Variants in PMEPA1 observed in about 807,000 individuals in gnomAD.
The protein encoded by PMEPA1 is prostate transmembrane protein, androgen induced 1.
A neutral mutation model predicts 23.0 loss-of-function variants in PMEPA1; 11 were observed. The observed-to-expected ratio is 0.48, with a 90% CI of 0.30 to 0.79. The LOEUF (loss-of-function observed/expected upper bound fraction) is 0.79. Among genes scored for constraint, PMEPA1 ranks in the 30% least tolerant of loss-of-function variants. The pLI, the probability that PMEPA1 is intolerant of heterozygous loss-of-function variation, is 0.06. For missense variants in PMEPA1, 377 were observed against 390.9 expected (o/e 0.96, Z 0.30); for synonymous variants, 204 against 166.4 (o/e 1.23, Z -1.74).
In PMEPA1 at chr20:57,682,319, C is replaced by T. The variant is rs73915296; in HGVS notation, c.110-22622G>A. On this transcript the variant is annotated intron_variant, in intron 1 of 3. Transcript: ENST00000341744. This position sits in a 1 kb window ranked among gnomAD's most constrained non-coding sequence, Gnocchi z 4.4. ...CAGAGCGGGGGACCAGCTCCACCAG[C>T]GGTTCCCTGTGTGACCTTGGGCAAG... Among the ~76,000 whole-genome samples, 4,392 of 152,260 alleles carry T rather than the reference C, an allele frequency of 0.029. 223 individuals carry two copies. Among genetic ancestry groups the T allele is most frequent in the African/African-American group, 0.1 (4,180 of 41,530 alleles).
chr20:57,709,757 G>A lies in PMEPA1; in HGVS notation c.-175C>T, dbSNP rs990476481. On this transcript the variant is annotated 5_prime_UTR_variant, in exon 1 of 4. Transcript: ENST00000341744. ...TTCCCGGGGCGCCGCGGGGCTCAGT[G>A]CGCGGGACCGCGCTCCGCTGCGCCC... is the stretch of plus-strand genomic sequence containing the variant. The A allele has an allele frequency of 1.0e-6, 1 of 980,290 alleles. No individual in the cohort carries two copies. The highest frequency in any genetic ancestry group is 1.2e-6 in the Non-Finnish European group (1 of 827,690). The allele number at this position is 980,290 out of a possible 1,614,324, so 60.7% of individuals were successfully genotyped here. A position where few individuals can be genotyped will look rare whatever the true frequency, so the allele number is the denominator to read the frequency against.
At chr20:57,668,361 T>A (rs1318900408) in intron 1 of PMEPA1, among the ~76,000 whole-genome samples, 1 of 152,234 alleles carries the variant, frequency 6.6e-6, no homozygotes, top group Non-Finnish European at 1.5e-5. Context: ...GTAAATCTCC[T>A]GGTACCCTCA....
At chr20:57,674,985 G>T (rs187008948) in intron 1 of PMEPA1, among the ~76,000 whole-genome samples, 3 of 152,222 alleles carry the variant, frequency 2.0e-5, no homozygotes, top group Non-Finnish European at 2.9e-5. Flanking sequence ...CACAGTGAAC[G>T]TGCAGTAGGT....
At chr20:57,679,219 C>G (rs532397297) in intron 1 of PMEPA1, among the ~76,000 whole-genome samples, 80 of 152,272 alleles carry the variant, frequency 5.3e-4, no homozygotes, top group African/African-American at 1.9e-3. Flanking sequence ...AAAAAACACT[C>G]CTGGCCAAAC....
rs527760460 is a variant in PMEPA1 at position 57,669,883 on chromosome 20, A to T, written c.110-10186T>A. 7.9e-5 allele frequency among the ~76,000 whole-genome samples: 12 copies of T among 152,272 alleles called. 1 individual carries two copies. The highest frequency in any genetic ancestry group is 1.6e-4 in the Non-Finnish European group (11 of 68,030). ...ATATTTATAGTAAAAGAGGGAAAAAAAAAAGATTTGAGAAGCATCTGTCAG... is the reference window on the plus strand; with the variant it reads ...ATATTTATAGTAAAAGAGGGAAAAATAAAAGATTTGAGAAGCATCTGTCAG... On this transcript the variant is annotated intron_variant, in intron 1 of 3. Coordinates refer to ENST00000341744, the MANE Select transcript of PMEPA1 (RefSeq NM_020182.5).
At chr20:57,670,388 G>A (rs1212879173) in intron 1 of PMEPA1, among the ~76,000 whole-genome samples, 3 of 151,842 alleles carry the variant, frequency 2.0e-5, no homozygotes, top group African/African-American at 7.3e-5. Context: ...CCGGCCTCAA[G>A]CCCCAGGATC....
intron 1 of PMEPA1, among the ~76,000 whole-genome samples, chr20:57,692,120 T>C (rs1384658600): frequency 6.6e-6 from 1 of 152,216 alleles, no homozygotes; most frequent in Non-Finnish European, 1.5e-5. Flanking sequence ...TTCTCGAGCA[T>C]TTACAAAGCA....
chr20:57,652,615 G>T lies in PMEPA1; in HGVS notation c.319-17C>A. 6.9e-7 allele frequency: 1 copy of T among 1,452,340 alleles called. No individual in the cohort carries two copies. The highest frequency in any genetic ancestry group is 2.5e-5 in the East Asian group (1 of 40,576). The allele number at this position is 1,452,340 out of a possible 1,614,324, so 90.0% of individuals were successfully genotyped here. On this transcript the variant is annotated splice_polypyrimidine_tract_variant and intron_variant, in intron 3 of 3. Coordinates refer to ENST00000341744, the MANE Select transcript of PMEPA1 (RefSeq NM_020182.5). This position sits in a 1 kb window ranked among gnomAD's most constrained non-coding sequence, Gnocchi z 6.1. The stretch of plus-strand genomic sequence containing the variant: ...GACCTGCGGCTGGAGGAAGCAGAGC[G>T]GGAGTGAGGGAGGGCGGCTGTCTCA...
chr20:57,691,137 G>T (rs1186326560), intron 1 of PMEPA1, among the ~76,000 whole-genome samples: 1 of 152,196 alleles, frequency 6.6e-6, no homozygotes, highest in Non-Finnish European at 1.5e-5. Flanking sequence ...TTTCACGGTT[G>T]TGTGTGTCCA....
chr20:57,684,025 G>A (rs1465211104), intron 1 of PMEPA1, among the ~76,000 whole-genome samples: 1 of 152,036 alleles, frequency 6.6e-6, no homozygotes, highest in African/African-American at 2.4e-5. Context: ...CCCACCCCCG[G>A]CTCCGCAACA....
rs1600682659 is a variant in PMEPA1 at position 57,709,803 on chromosome 20, C to G, written c.-221G>C. 1.0e-6 allele frequency: 1 copy of G among 983,524 alleles called. No individual in the cohort carries two copies. The highest frequency in any genetic ancestry group is 1.2e-6 in the Non-Finnish European group (1 of 829,252). The allele number at this position is 983,524 out of a possible 1,614,324, so 60.9% of individuals were successfully genotyped here. A position where few individuals can be genotyped will look rare whatever the true frequency, so the allele number is the denominator to read the frequency against. On this transcript the variant is annotated 5_prime_UTR_variant, in exon 1 of 4. Coordinates refer to ENST00000341744, the MANE Select transcript of PMEPA1 (RefSeq NM_020182.5). Reference sequence around the variant, plus strand: ...CGCCCCCCCGGCCTCCCCTCGGCAGCCCCGGGGGCGTCGGCAGTGCCCGCG... The same window carrying G: ...CGCCCCCCCGGCCTCCCCTCGGCAGGCCCGGGGGCGTCGGCAGTGCCCGCG...
chr20:57,687,361 G>A (rs1236454197), intron 1 of PMEPA1, among the ~76,000 whole-genome samples: 1 of 152,174 alleles, frequency 6.6e-6, no homozygotes, highest in Admixed American at 6.5e-5. Flanking sequence ...TTAACAGAGG[G>A]ACCCCAAGGC....
chr20:57,662,302 C>A (rs886666742), intron 1 of PMEPA1, among the ~76,000 whole-genome samples: 2 of 152,228 alleles, frequency 1.3e-5, no homozygotes, highest in Non-Finnish European at 2.9e-5. Flanking sequence ...GGGCTGAGCA[C>A]ACCTAAGAAC....
rs1260357014 is a variant in PMEPA1, at chr20:57,656,793, C to G, written c.264+2750G>C. 1.3e-5 allele frequency among the ~76,000 whole-genome samples: 2 copies of G among 152,182 alleles called. No homozygotes were observed. The highest frequency in any genetic ancestry group is 3.9e-4 in the East Asian group (2 of 5,166). The stretch of plus-strand genomic sequence containing the variant: ...GCAAGAGGGGACCCCCAGGGTCACC[C>G]TGAAAAGGGGCCATGGTCGGATAGC... On this transcript the variant is annotated intron_variant, in intron 2 of 3. Coordinates refer to ENST00000341744, the MANE Select transcript of PMEPA1 (RefSeq NM_020182.5). The surrounding 1 kb of genome is among the most constrained non-coding windows in gnomAD (Gnocchi z 4.7).
At chr20:57,689,129 T>A (rs2071841497) in intron 1 of PMEPA1, among the ~76,000 whole-genome samples, 3 of 152,264 alleles carry the variant, frequency 2.0e-5, no homozygotes. Flanking sequence ...GTTTGGGAGC[T>A]GCCTCTATCA....
At chr20:57,674,997 C>G (rs1199742230) in intron 1 of PMEPA1, among the ~76,000 whole-genome samples, 1 of 152,190 alleles carries the variant, frequency 6.6e-6, no homozygotes, top group Non-Finnish European at 1.5e-5. Flanking sequence ...GCAGTAGGTA[C>G]AGTGAGCTCC....
Position 57,655,926 on chromosome 20 carries a change from T to G in PMEPA1, c.265-2840A>C, listed in dbSNP as rs966159644. ...AAGCGCAGCTATGGGCAAAACGCAC[T>G]CGAAAACACTTCATTCACACTCAGA... On this transcript the variant is annotated intron_variant, in intron 2 of 3. Coordinates refer to ENST00000341744, the MANE Select transcript of PMEPA1 (RefSeq NM_020182.5). This position sits in a 1 kb window ranked among gnomAD's most constrained non-coding sequence, Gnocchi z 4.2. Among the ~76,000 whole-genome samples the G allele has an allele frequency of 1.3e-5, 2 of 152,030 alleles. No individual in the cohort carries two copies. Among genetic ancestry groups the G allele is most frequent in the Non-Finnish European group, 2.9e-5 (2 of 68,018 alleles).
chr20:57,689,299 T>A (rs2071844314), intron 1 of PMEPA1, among the ~76,000 whole-genome samples: 4 of 152,108 alleles, frequency 2.6e-5, no homozygotes. Flanking sequence ...CTCCCCCAAC[T>A]CCTGACCCTT....
At chr20:57,667,545 AC>A (rs1358119852) in intron 1 of PMEPA1, among the ~76,000 whole-genome samples, 2 of 150,458 alleles carry the variant, frequency 1.3e-5, no homozygotes, top group East Asian at 2.0e-4. Context: ...AGACCAGACG[AC>A]CCCCCTCCAC....
Sources: allele counts gnomAD v4.1 joint callset (sites outside exome capture counted in the v4.1 genomes callset), GRCh38; gene constraint gnomAD v4.1.1; non-coding constraint Gnocchi (gnomAD v3.1); transcripts MANE v1.5; gene names NCBI Gene and HGNC (gene_info 2026-07-23, HGNC 2026-07-21).